The following ARMC3 variants were observed in gnomAD, a reference collection of about 807,000 sequenced individuals.
ARMC3 encodes the protein armadillo repeat-containing protein 3.
Under a neutral mutation model 90.3 loss-of-function variants are expected in ARMC3, and 74 were observed. That is an observed-to-expected ratio of 0.82 (90% CI 0.68 to 0.99). The LOEUF (loss-of-function observed/expected upper bound fraction) is 0.99, where lower values mean the gene tolerates loss of function less well. Among genes scored for constraint, ARMC3 ranks in the 50% least tolerant of loss-of-function variants. The pLI, the probability that ARMC3 is intolerant of heterozygous loss-of-function variation, is 0.00. For synonymous variants in ARMC3, 334 were observed against 361.8 expected, an observed-to-expected ratio of 0.92 and a Z score of 0.87; for missense variants, 958 against 1,042.8, an observed-to-expected ratio of 0.92 and a Z score of 1.12.
rs1030051824 is a variant in ARMC3 at position 22,959,529 on chromosome 10, G to A, written c.492G>A (p.Pro164=). The A allele has an allele frequency of 2.4e-5, 38 of 1,610,338 alleles. No homozygotes were observed. The highest frequency in any genetic ancestry group is 6.8e-5 in the Admixed American group (4 of 58,860). ...TCAGACTACTGAGTAGCCCTGACCC[G>A]GATGTAAAGAAGAACTCTATGGAAT... The part of the protein sequence containing the change: ...PLIRLLSSPD[P]DVKKNSMECI... The change falls in exon 6 of 19, where the codon CCG becomes CCA. Residue 164 remains proline (P), a synonymous_variant. Coordinates refer to ENST00000298032, the MANE Select transcript of ARMC3 (RefSeq NM_173081.5).
At chr10:23,013,571 C>G (rs776928491) in intron 16 of ARMC3, among the ~76,000 whole-genome samples, 2 of 152,192 alleles carry the variant, frequency 1.3e-5, no homozygotes, top group Non-Finnish European at 2.9e-5. Context: ...AGTTAATTAA[C>G]ACTTCTGTCA....
intron 18 of ARMC3, among the ~76,000 whole-genome samples, chr10:23,033,571 A>C (rs1193609707): frequency 6.6e-6 from 1 of 152,226 alleles, no homozygotes; most frequent in Non-Finnish European, 1.5e-5. Flanking sequence ...GTTTGTGTGC[A>C]TGAGGAAAAG....
intron 1 of ARMC3, among the ~76,000 whole-genome samples, chr10:22,929,621 T>C (rs12359300): frequency 0.39 from 58,689 of 152,006 alleles, 13,478 homozygotes; most frequent in African/African-American, 0.64. Flanking sequence ...GATCTCAGCT[T>C]ATTGCAACCT....
chr10:22,928,198 TG>T (rs1399217968), intron 1 of ARMC3, 92 bp downstream of exon 1: 3 of 152,476 alleles, frequency 2.0e-5, no homozygotes, highest in Non-Finnish European at 4.4e-5. Flanking sequence ...GCAGACTGCT[TG>T]GGTCAGTGAG....
rs1564360534 is a variant in ARMC3, at chr10:22,968,329, A to G, written c.756A>G (p.Glu252=). ...AGGAATTGAATGACCTTCATATAGAAGCACTTGCAGTGATAGCCAATTGCC... is the reference window on the plus strand; with the variant it reads ...AGGAATTGAATGACCTTCATATAGAGGCACTTGCAGTGATAGCCAATTGCC... ...ETKELNDLHI[E]ALAVIANCLE... is the part of the protein sequence containing the mutation. The change falls in exon 8 of 19, where the codon GAA becomes GAG. Residue 252 remains glutamate (E), a synonymous_variant. Coordinates refer to ENST00000298032, the MANE Select transcript of ARMC3 (RefSeq NM_173081.5). 6.2e-7 allele frequency: 1 copy of G among 1,613,964 alleles called. No individual in the cohort carries two copies.
intron 16 of ARMC3, among the ~76,000 whole-genome samples, chr10:23,012,373 C>T (rs1010692393): frequency 2.0e-5 from 3 of 152,038 alleles, no homozygotes; most frequent in Admixed American, 6.6e-5. Flanking sequence ...TTTGCAATAC[C>T]GTAAATATCA....
chr10:23,015,558 GT>G (rs1838236299), intron 16 of ARMC3, among the ~76,000 whole-genome samples: 1 of 103,360 alleles, frequency 9.7e-6, no homozygotes, highest in African/African-American at 3.6e-5. Context: ...ACATTTAAAA[GT>G]TAGTTGTTTT....
At chr10:23,033,652 C>A (rs1839009960) in intron 18 of ARMC3, among the ~76,000 whole-genome samples, 1 of 152,102 alleles carries the variant, frequency 6.6e-6, no homozygotes, top group Non-Finnish European at 1.5e-5. Flanking sequence ...TAAAATATAA[C>A]AGTAGCCATT....
intron 14 of ARMC3, 134 bp downstream of exon 14, chr10:23,007,115 A>G: frequency 1.5e-6 from 1 of 688,878 alleles, no homozygotes; most frequent in Non-Finnish European, 2.4e-6. Context: ...GAAAATAAAC[A>G]CTGGCTCATA....
rs780391057 is a variant in ARMC3 at position 22,981,349 on chromosome 10, G to T, written c.926G>T (p.Arg309Ile). Residue 309 changes from arginine to isoleucine, a missense_variant, in exon 9 of 19, where the codon AGA becomes ATA. Physicochemically the swap from Arg to Ile is moderately conservative, Grantham distance 97 (BLOSUM62 -3). Coordinates refer to ENST00000298032, the MANE Select transcript of ARMC3 (RefSeq NM_173081.5). ...CTTTGGTGTATGAAAGCTGAAAATA[G>T]AAAACTTTTTCATGAACAAGAGGTT... ...ITKAAYDPEN[R>I]KLFHEQEVEK... 63 of 1,594,384 alleles carry T rather than the reference G, an allele frequency of 4.0e-5. No individual in the cohort carries two copies. In the South Asian group the frequency reaches 7.2e-4, roughly 18 times the overall value.
chr10:23,002,527 G>A (rs1837344573), intron 12 of ARMC3, among the ~76,000 whole-genome samples: 2 of 151,552 alleles, frequency 1.3e-5, no homozygotes, highest in South Asian at 2.1e-4. Context: ...AGCTAATAGG[G>A]TTTTAAGTTT....
At chr10:22,945,948 C>G (rs913513358) in intron 2 of ARMC3, among the ~76,000 whole-genome samples, 196 bp from the exon 3 acceptor site, 1 of 152,220 alleles carries the variant, frequency 6.6e-6, no homozygotes, top group African/African-American at 2.4e-5. Flanking sequence ...CACCATACCC[C>G]AGGCATTCCA....
chr10:23,003,972 C>A (rs957699084), intron 13 of ARMC3, among the ~76,000 whole-genome samples: 3 of 151,964 alleles, frequency 2.0e-5, no homozygotes, highest in Non-Finnish European at 4.4e-5. Flanking sequence ...CATAGTGAGA[C>A]CCTGTCTCTA....
intron 8 of ARMC3, among the ~76,000 whole-genome samples, chr10:22,980,251 A>G (rs1836128461): frequency 6.6e-6 from 1 of 152,176 alleles, no homozygotes; most frequent in Non-Finnish European, 1.5e-5. Flanking sequence ...TCTTGAGTGC[A>G]TATCACACAT....
intron 1 of ARMC3, among the ~76,000 whole-genome samples, chr10:22,928,483 G>A (rs1038952008): frequency 2.6e-5 from 4 of 151,714 alleles, no homozygotes; most frequent in African/African-American, 7.3e-5. Flanking sequence ...GAACGTTCAC[G>A]AAGAACAAAT....
At position 23,030,777 on chromosome 10, in the gene ARMC3, C is replaced by G; in HGVS notation, c.2227C>G (p.Gln743Glu). 6.2e-7 allele frequency: 1 copy of G among 1,613,544 alleles called. No homozygotes were observed. Among genetic ancestry groups the G allele is most frequent in the Non-Finnish European group, 8.5e-7 (1 of 1,179,678 alleles). Residue 743 changes from glutamine (Q) to glutamate (E), a missense_variant, in exon 17 of 19, where the codon CAG becomes GAG. Physicochemically the swap from Gln to Glu is conservative, Grantham distance 29. Coordinates refer to ENST00000298032, the MANE Select transcript of ARMC3 (RefSeq NM_173081.5). The part of the protein sequence containing the change: ...SILPITNIKE[Q>E]IEDLAKYVAE... ...ACTGCCAATAACCAATATTAAGGAA[C>G]AGATTGAGGATCTGGCAAAGTAAGT...
At chr10:22,938,783 G>A (rs972590053) in intron 2 of ARMC3, among the ~76,000 whole-genome samples, 1 of 152,082 alleles carries the variant, frequency 6.6e-6, no homozygotes, top group Non-Finnish European at 1.5e-5. Flanking sequence ...TGTGGAAGAA[G>A]AGAAAGAAAA....
intron 2 of ARMC3, among the ~76,000 whole-genome samples, chr10:22,942,164 C>T (rs1834349083): frequency 6.6e-6 from 1 of 152,114 alleles, no homozygotes; most frequent in Non-Finnish European, 1.5e-5. Flanking sequence ...GGAGAGAAAA[C>T]AGAGGGAGTA....
intron 13 of ARMC3, among the ~76,000 whole-genome samples, chr10:23,006,074 G>A (rs898297719): frequency 6.6e-6 from 1 of 152,130 alleles, no homozygotes; most frequent in Non-Finnish European, 1.5e-5. Flanking sequence ...GGGCAAATCT[G>A]GGGCTGGGGG....
Sources: allele counts gnomAD v4.1 joint callset (sites outside exome capture counted in the v4.1 genomes callset), GRCh38; gene constraint gnomAD v4.1.1; transcripts MANE v1.5; gene names NCBI Gene and HGNC (gene_info 2026-07-23, HGNC 2026-07-21).